Variants in SH3BGR observed in about 807,000 individuals in gnomAD.
SH3BGR encodes SH3 domain binding glutamate rich protein, also known as SH3 domain-binding glutamic acid-rich protein.
SH3BGR carries 29 observed loss-of-function variants against 24.5 expected under a neutral mutation model. The ratio of observed to expected loss-of-function variants is 1.18; its 90% CI spans 0.88 to 1.61. SH3BGR has a LOEUF of 1.61. Ranked by LOEUF, SH3BGR falls within the 40% of genes most tolerant of loss-of-function variation. The pLI is 0.00. For synonymous variants in SH3BGR, 55 were observed against 65.7 expected, an observed-to-expected ratio of 0.84 and a Z score of 0.79; for missense variants, 162 against 205.8, an observed-to-expected ratio of 0.79 and a Z score of 1.30.
intron 2 of SH3BGR, among the ~76,000 whole-genome samples, chr21:39,474,927 G>A (rs937120226): frequency 4.0e-5 from 6 of 151,834 alleles, no homozygotes; most frequent in Non-Finnish European, 7.4e-5. Flanking sequence ...TGGTATACAA[G>A]CACAATGAAA....
At chr21:39,456,916 C>CT (rs1427228988) in intron 1 of SH3BGR, among the ~76,000 whole-genome samples, 1 of 146,578 alleles carries the variant, frequency 6.8e-6, no homozygotes, top group East Asian at 2.0e-4. Context: ...GTTCCATTGT[C>CT]TTTTTTATAT....
intron 4 of SH3BGR, 100 bp downstream of exon 4, chr21:39,500,015 A>G (rs1323057846): frequency 1.1e-5 from 9 of 841,622 alleles, no homozygotes; most frequent in African/African-American, 1.7e-5. Flanking sequence ...GCAGTCAGAA[A>G]GAGGGCAAGG....
At chr21:39,456,940 GTTAA>G (rs5843965) in intron 1 of SH3BGR, among the ~76,000 whole-genome samples, 77,168 of 150,640 alleles carry the variant, frequency 0.51, 20,109 homozygotes, top group East Asian at 0.67. Flanking sequence ...TGGTATAAGT[GTTAA>G]TTAAATTAAA....
chr21:39,454,354 A>C (rs73906041), intron 1 of SH3BGR, among the ~76,000 whole-genome samples: 309 of 152,372 alleles, frequency 2.0e-3, no homozygotes, highest in African/African-American at 7.1e-3. Context: ...GAATGAAATA[A>C]ATGAGAAAGG....
chr21:39,488,158 A>G (rs1465753450), intron 3 of SH3BGR, among the ~76,000 whole-genome samples: 1 of 152,164 alleles, frequency 6.6e-6, no homozygotes, highest in Non-Finnish European at 1.5e-5. Context: ...AGTTCTGGAA[A>G]TTTTGACTAA....
chr21:39,488,065 A>G (rs2078239157), intron 3 of SH3BGR, among the ~76,000 whole-genome samples: 1 of 152,196 alleles, frequency 6.6e-6, no homozygotes, highest in African/African-American at 2.4e-5. Flanking sequence ...TATCTCACCA[A>G]TTCATTTAGT....
At chr21:39,503,486 C>T (rs1055732689) in intron 4 of SH3BGR, among the ~76,000 whole-genome samples, 1 of 152,004 alleles carries the variant, frequency 6.6e-6, no homozygotes, top group African/African-American at 2.4e-5. Context: ...ACAAAACGAG[C>T]AAAAAACCTC....
chr21:39,466,374 G>A (rs2077842414), intron 2 of SH3BGR, among the ~76,000 whole-genome samples: 1 of 152,098 alleles, frequency 6.6e-6, no homozygotes, highest in African/African-American at 2.4e-5. Context: ...ATTTACCTAT[G>A]CATATTCTTT....
chr21:39,515,296 T>C lies in SH3BGR; in HGVS notation c.*243T>C, dbSNP rs190660517. 16 of 254,832 alleles carry C rather than the reference T, an allele frequency of 6.3e-5. No individual in the cohort carries two copies. The Admixed American group carries it at 8.4e-4, about 13-fold the overall frequency. 15.8% of individuals were successfully genotyped at this position (254,832 alleles called of 1,614,324 possible). A position where few individuals can be genotyped will look rare whatever the true frequency, so the allele number is the denominator to read the frequency against. ...CTTCATGTGCCTGACAGTCTTGGCT[T>C]TTGAAGATTTTTTTTTCTTTTTTGC... On this transcript the variant is annotated 3_prime_UTR_variant, in exon 7 of 7. Coordinates refer to ENST00000333634, the MANE Select transcript of SH3BGR (RefSeq NM_007341.3).
In SH3BGR at chr21:39,446,477, C is replaced by CAT. The variant is rs145986440; in HGVS notation, c.-100+399_-100+400dup. On this transcript the variant is annotated intron_variant, in intron 1 of 6. Coordinates refer to the SH3BGR transcript ENST00000380631. ...TACAAGCGAGGTTGCAGGGCCAAAG[C>CAT]ATATGCTCACTTTGAGGCTTTCTAA... is the stretch of plus-strand genomic sequence containing the variant. 2.4e-3 allele frequency among the ~76,000 whole-genome samples: 358 copies of CAT among 152,236 alleles called. 1 individual carries two copies. The highest frequency in any genetic ancestry group is 6.3e-3 in the Admixed American group (97 of 15,304).
At chr21:39,481,462 C>T (rs901066610) in intron 3 of SH3BGR, among the ~76,000 whole-genome samples, 2 of 152,276 alleles carry the variant, frequency 1.3e-5, no homozygotes, top group Admixed American at 1.3e-4. Flanking sequence ...CTGACAAGTT[C>T]AAGTAGATTG....
upstream of SH3BGR, chr21:39,451,869 C>A: frequency 6.2e-7 from 1 of 1,601,384 alleles, no homozygotes; most frequent in Non-Finnish European, 8.5e-7. Context: ...CCTGACAGAT[C>A]CCAAAATATT....
chr21:39,486,011 G>T (rs2078207560), intron 3 of SH3BGR, among the ~76,000 whole-genome samples: 1 of 152,146 alleles, frequency 6.6e-6, no homozygotes, highest in African/African-American at 2.4e-5. Context: ...TTTAAGCAAT[G>T]CCATCAGAAA....
chr21:39,501,899 C>T lies in SH3BGR; in HGVS notation c.405+1984C>T, dbSNP rs772857511. ...TGTTAAAAGCTGAGATGGGGCCGGGCGCATGGCTCACGCCTATAATCCCTG... is the reference window on the plus strand; with the variant it reads ...TGTTAAAAGCTGAGATGGGGCCGGGTGCATGGCTCACGCCTATAATCCCTG... On this transcript the variant is annotated intron_variant, in intron 4 of 6. Coordinates refer to ENST00000333634, the MANE Select transcript of SH3BGR (RefSeq NM_007341.3). Among the ~76,000 whole-genome samples the T allele has an allele frequency of 2.6e-5, 4 of 152,214 alleles. 1 individual carries two copies. Among genetic ancestry groups the T allele is most frequent in the South Asian group, 2.1e-4 (1 of 4,832 alleles).
chr21:39,446,658 C>G (rs1157104942), intron 1 of SH3BGR, among the ~76,000 whole-genome samples: 2 of 152,114 alleles, frequency 1.3e-5, no homozygotes, highest in African/African-American at 2.4e-5. Context: ...AGACTTTTTC[C>G]CATATCTTGA....
intron 6 of SH3BGR, among the ~76,000 whole-genome samples, chr21:39,512,267 T>C (rs140621839): frequency 3.3e-5 from 5 of 152,096 alleles, no homozygotes; most frequent in African/African-American, 1.2e-4. Context: ...CCTTAAAAAA[T>C]CACAAAGCTG....
At chr21:39,475,012 C>T (rs2078003710) in intron 2 of SH3BGR, 123 bp from the exon 3 acceptor site, 1 of 605,762 alleles carries the variant, frequency 1.7e-6, no homozygotes, top group East Asian at 2.8e-5. Context: ...ATAAAGCAAA[C>T]TGGGATGACT....
upstream of SH3BGR, among the ~76,000 whole-genome samples, chr21:39,448,283 C>T (rs1207049148): frequency 6.6e-6 from 1 of 152,092 alleles, no homozygotes; most frequent in African/African-American, 2.4e-5. Context: ...AATATTCAAC[C>T]CACTACAGTT....
chr21:39,508,955 T>C, intron 4 of SH3BGR, 43 bp from the exon 5 acceptor site: 1 of 382,924 alleles, frequency 2.6e-6, no homozygotes, highest in Non-Finnish European at 4.0e-6. Context: ...TTAAACGTAC[T>C]TGAATTATGT....
Sources: gnomAD v4.1 joint callset for allele counts (sites outside exome capture counted in the v4.1 genomes callset) on GRCh38, gnomAD v4.1.1 for gene constraint, MANE v1.5 for transcripts, NCBI Gene and HGNC (gene_info 2026-07-23, HGNC 2026-07-21) for gene names.